Variants in QRFPR observed in about 807,000 individuals in gnomAD.
QRFPR encodes pyroglutamylated RF-amide peptide receptor.
QRFPR carries 37 observed loss-of-function variants against 31.3 expected under a neutral mutation model. That is an observed-to-expected ratio of 1.18 (90% CI 0.91 to 1.56). The LOEUF (loss-of-function observed/expected upper bound fraction) is 1.56. QRFPR is among the 40% of genes most tolerant of loss of function. QRFPR has a pLI of 0.00. For synonymous variants in QRFPR, 197 were observed against 192.0 expected (o/e 1.03, Z -0.22); for missense variants, 542 against 532.5 (o/e 1.02, Z -0.18).
intron 1 of QRFPR, among the ~76,000 whole-genome samples, chr4:121,341,377 G>A (rs17051340): frequency 0.35 from 53,448 of 152,058 alleles, 9,676 homozygotes; most frequent in Middle Eastern, 0.48. Context: ...CTCAGGGAAT[G>A]TGAAGTTGGA....
At chr4:121,378,711 C>G (rs995321845) in intron 1 of QRFPR, among the ~76,000 whole-genome samples, 1 of 152,142 alleles carries the variant, frequency 6.6e-6, no homozygotes, top group East Asian at 1.9e-4. Context: ...GCGTGAGCCA[C>G]CACGCCTGGC....
At chr4:121,360,332 T>A (rs1560741615) in intron 1 of QRFPR, among the ~76,000 whole-genome samples, 1 of 152,176 alleles carries the variant, frequency 6.6e-6, no homozygotes, top group African/African-American at 2.4e-5. Flanking sequence ...TAACCACAGG[T>A]AAATCATTTT....
At chr4:121,354,225 G>GT (rs1312758498) in intron 1 of QRFPR, among the ~76,000 whole-genome samples, 1 of 151,944 alleles carries the variant, frequency 6.6e-6, no homozygotes, top group East Asian at 1.9e-4. Context: ...TTTTAGGATT[G>GT]TTTTTTCTAT....
intron 5 of QRFPR, 106 bp downstream of exon 5, chr4:121,330,320 G>T: frequency 1.4e-6 from 1 of 732,034 alleles, no homozygotes; most frequent in East Asian, 2.6e-5. Context: ...TGAAATGTTA[G>T]GTATTTGATT....
intron 1 of QRFPR, among the ~76,000 whole-genome samples, chr4:121,363,374 T>G (rs6849440): frequency 0.28 from 41,661 of 149,374 alleles, 7,904 homozygotes; most frequent in Non-Finnish European, 0.35. Flanking sequence ...TATATAACCC[T>G]TCACATGTCA....
At position 121,380,300 on chromosome 4, in the gene QRFPR, A is replaced by G. The variant is rs1726460670; in HGVS notation, c.340+8T>C. On this transcript the variant is annotated splice_region_variant and intron_variant, in intron 1 of 5. Transcript: ENST00000394427. ...AGAAGGAGCGAAGGAGCGGGGCGCG[A>G]CTCTTACCCCCCAGCCAGTTGTCGG... 3.1e-6 allele frequency: 5 copies of G among 1,601,310 alleles called. No individual in the cohort carries two copies. The highest frequency in any genetic ancestry group is 2.2e-5 in the East Asian group (1 of 44,530).
At chr4:121,353,584 T>G (rs558292917) in intron 1 of QRFPR, among the ~76,000 whole-genome samples, 1 of 152,244 alleles carries the variant, frequency 6.6e-6, no homozygotes, top group East Asian at 1.9e-4. Flanking sequence ...TATTAAACTG[T>G]TTGAGCTCCT....
intron 1 of QRFPR, among the ~76,000 whole-genome samples, chr4:121,368,314 C>T (rs985076693): frequency 4.7e-5 from 7 of 149,816 alleles, no homozygotes; most frequent in African/African-American, 1.7e-4. Context: ...CTAACTGTAC[C>T]TACCATCTCC....
intron 1 of QRFPR, among the ~76,000 whole-genome samples, chr4:121,356,181 A>G (rs1214943265): frequency 2.0e-5 from 3 of 152,170 alleles, no homozygotes; most frequent in Non-Finnish European, 4.4e-5. Context: ...CTATTACTGT[A>G]TTGCAGTCTA....
intron 1 of QRFPR, among the ~76,000 whole-genome samples, chr4:121,357,357 G>C (rs149741117): frequency 2.6e-5 from 4 of 152,166 alleles, no homozygotes; most frequent in East Asian, 3.9e-4. Context: ...AAGAACGTAG[G>C]GGGTGGAAAG....
At chr4:121,336,029 G>C (rs1284719495) in intron 3 of QRFPR, among the ~76,000 whole-genome samples, 2 of 151,976 alleles carry the variant, frequency 1.3e-5, no homozygotes, top group Non-Finnish European at 2.9e-5. Context: ...CTTATCTTAG[G>C]CTCATTTGTT....
Position 121,365,590 on chromosome 4 carries a change from T to A in QRFPR, c.340+14718A>T, listed in dbSNP as rs1244198154. 8.2e-3 allele frequency among the ~76,000 whole-genome samples: 46 copies of A among 5,604 alleles called. 4 individuals carry two copies. Among genetic ancestry groups the A allele is most frequent in the African/African-American group, 0.043 (39 of 914 alleles). The allele number at this position is 5,604 out of a possible 152,430, so 3.7% of individuals were successfully genotyped here. On this transcript the variant is annotated intron_variant, in intron 1 of 5. Coordinates refer to ENST00000394427, the MANE Select transcript of QRFPR (RefSeq NM_198179.3). Reference sequence around the variant, plus strand: ...TTATATATAATATATATTATATATATTATATATATATAATATATATATTAT... The same window carrying A: ...TTATATATAATATATATTATATATAATATATATATATAATATATATATTAT...
Position 121,337,028 on chromosome 4 carries a change from A to G in QRFPR, c.500-160T>C, listed in dbSNP as rs531637137. Among the ~76,000 whole-genome samples, 52 of 152,334 alleles carry G rather than the reference A, an allele frequency of 3.4e-4. 1 individual carries two copies. Among genetic ancestry groups the G allele is most frequent in the Admixed American group, 1.7e-3 (26 of 15,298 alleles). On this transcript the variant is annotated intron_variant, in intron 2 of 5. Transcript: ENST00000394427. ...AGTTTCATGCTTCCACTCTTTCACCATCCTCAAAACTGCTGCTGGAATAAA... is the reference window on the plus strand; with the variant it reads ...AGTTTCATGCTTCCACTCTTTCACCGTCCTCAAAACTGCTGCTGGAATAAA...
chr4:121,371,290 C>T (rs1726240644), intron 1 of QRFPR, among the ~76,000 whole-genome samples: 1 of 152,182 alleles, frequency 6.6e-6, no homozygotes, highest in Non-Finnish European at 1.5e-5. Context: ...TACTTAATTA[C>T]TTCGGAATTC....
chr4:121,340,378 T>G, intron 2 of QRFPR, 74 bp downstream of exon 2: 2 of 1,513,870 alleles, frequency 1.3e-6, no homozygotes, highest in Non-Finnish European at 9.1e-7. Context: ...ACTCTTCTAG[T>G]TTAAAAATAT....
rs374505446 is a variant in QRFPR, at chr4:121,329,383, C to G, written c.1227G>C (p.Lys409Asn). ...KLCEQTEEKK[K>N]LKRHLALFRS... ...TAAAGAGAGCAAGATGTCGTTTGAG[C>G]TTTTTCTTCTCCTCTGTCTGTTCAC... Residue 409 changes from lysine to asparagine, a missense_variant, in exon 6 of 6, where the codon AAG becomes AAC. By Grantham distance (94) the Lys-to-Asn change is moderately conservative. Transcript: ENST00000394427. The G allele has an allele frequency of 6.2e-7, 1 of 1,614,116 alleles. No homozygotes were observed. Among genetic ancestry groups the G allele is most frequent in the South Asian group, 1.1e-5 (1 of 91,084 alleles).
intron 1 of QRFPR, among the ~76,000 whole-genome samples, chr4:121,341,775 A>T (rs1001669521): frequency 6.6e-6 from 1 of 152,116 alleles, no homozygotes; most frequent in African/African-American, 2.4e-5. Context: ...AAAATCTGAA[A>T]TCTGAAACAC....
chr4:121,339,901 G>C (rs1171248421), intron 2 of QRFPR, among the ~76,000 whole-genome samples: 1 of 151,940 alleles, frequency 6.6e-6, no homozygotes, highest in Non-Finnish European at 1.5e-5. Flanking sequence ...GCTGCAGTGA[G>C]TTGTGATCAC....
At chr4:121,339,040 C>T (rs1379788142) in intron 2 of QRFPR, among the ~76,000 whole-genome samples, 1 of 152,176 alleles carries the variant, frequency 6.6e-6, no homozygotes, top group Non-Finnish European at 1.5e-5. Flanking sequence ...TTAAAACTAA[C>T]TAACTAAAAC....
Sources: gnomAD v4.1 joint callset for allele counts (sites outside exome capture counted in the v4.1 genomes callset) on GRCh38, gnomAD v4.1.1 for gene constraint, MANE v1.5 for transcripts, NCBI Gene and HGNC (gene_info 2026-07-23, HGNC 2026-07-21) for gene names.